INPP5A: variants seen among roughly 807,000 people sequenced by gnomAD.
INPP5A encodes the protein inositol polyphosphate-5-phosphatase A.
A neutral mutation model predicts 65.2 loss-of-function variants in INPP5A; 14 were observed. That is an observed-to-expected ratio of 0.21 (90% CI 0.14 to 0.34). The LOEUF is 0.34. INPP5A is among the 10% of genes least tolerant of loss of function. The probability of loss-of-function intolerance (pLI) is 1.00; values close to 1 mark genes in which losing one functional copy is unlikely to be tolerated. For synonymous variants in INPP5A, 207 were observed against 208.3 expected (o/e 0.99, Z 0.05); for missense variants, 431 against 545.6 (o/e 0.79, Z 2.09).
intron 1 of INPP5A, among the ~76,000 whole-genome samples, chr10:132,584,144 G>C (rs2071520018): frequency 6.6e-6 from 1 of 152,252 alleles, no homozygotes; most frequent in African/African-American, 2.4e-5. Flanking sequence ...ATCAGTGAGA[G>C]CTGTTGACCT....
At chr10:132,752,628 GT>G (rs1363511257) in intron 11 of INPP5A, among the ~76,000 whole-genome samples, 10,296 of 110,992 alleles carry the variant, frequency 0.093, 711 homozygotes, top group Non-Finnish European at 0.13. Context: ...GTGGCATGGA[GT>G]GGGGTGTGGC....
chr10:132,601,718 C>G (rs2071779549), intron 1 of INPP5A, among the ~76,000 whole-genome samples: 1 of 152,106 alleles, frequency 6.6e-6, no homozygotes, highest in South Asian at 2.1e-4. Context: ...TCCAGTTTTC[C>G]CAGCCTCATT....
At position 132,663,219 on chromosome 10, in the gene INPP5A, C is replaced by T. The variant is rs756811722; in HGVS notation, c.306+12714C>T. On this transcript the variant is annotated intron_variant, in intron 4 of 15. Transcript: ENST00000368594. This position sits in a 1 kb window ranked among gnomAD's most constrained non-coding sequence, Gnocchi z 4.5. Reference sequence around the variant, plus strand: ...TATAAAATTGAAAAGACTTTCTTCTCGTTAAATCTTATTTTATTTTGACAC... The same window carrying T: ...TATAAAATTGAAAAGACTTTCTTCTTGTTAAATCTTATTTTATTTTGACAC... Among the ~76,000 whole-genome samples the T allele has an allele frequency of 4.6e-5, 7 of 152,202 alleles. No individual in the cohort carries two copies. Among genetic ancestry groups the T allele is most frequent in the Non-Finnish European group, 1.0e-4 (7 of 68,036 alleles).
intron 2 of INPP5A, among the ~76,000 whole-genome samples, chr10:132,639,251 T>C (rs1006924124): frequency 6.6e-6 from 1 of 152,096 alleles, no homozygotes; most frequent in Admixed American, 6.5e-5. Context: ...GTGAAAATGT[T>C]TCCCTTTGCC....
chr10:132,540,831 T>C (rs1227626083), intron 1 of INPP5A, among the ~76,000 whole-genome samples: 5 of 152,224 alleles, frequency 3.3e-5, no homozygotes, highest in African/African-American at 4.8e-5. Context: ...CTGTGACCAG[T>C]GCTGGAGCCG....
At chr10:132,683,552 C>T (rs943754854) in intron 4 of INPP5A, among the ~76,000 whole-genome samples, 1 of 152,244 alleles carries the variant, frequency 6.6e-6, no homozygotes, top group African/African-American at 2.4e-5. Flanking sequence ...CATAGTATGT[C>T]TGTGTGAACA....
In INPP5A at chr10:132,736,652, T is replaced by C. The variant is rs1846182217; in HGVS notation, c.732+9747T>C. Among the ~76,000 whole-genome samples, 4 of 152,342 alleles carry C rather than the reference T, an allele frequency of 2.6e-5. No individual in the cohort carries two copies. In the South Asian group the frequency reaches 8.3e-4, roughly 32 times the overall value. On this transcript the variant is annotated intron_variant, in intron 9 of 15. Transcript: ENST00000368594. ...TGTGTCTGCCGTTCAGTGGAGACCA[T>C]GGCCGGCAAGAGCAGCCAAGGCCAG...
intron 2 of INPP5A, among the ~76,000 whole-genome samples, chr10:132,633,538 T>G (rs1397090818): frequency 1.3e-5 from 2 of 152,140 alleles, no homozygotes; most frequent in South Asian, 2.1e-4. Flanking sequence ...GCACCGCACC[T>G]CCTCCAGAGC....
At chr10:132,747,608 G>A (rs1336251489) in intron 9 of INPP5A, among the ~76,000 whole-genome samples, 1 of 152,262 alleles carries the variant, frequency 6.6e-6, no homozygotes, top group Non-Finnish European at 1.5e-5. Flanking sequence ...CTGTCTCCGA[G>A]CCCCGGCCAG....
Position 132,538,220 on chromosome 10 carries a change from C to A in INPP5A, c.75+49C>A. On this transcript the variant is annotated intron_variant, in intron 1 of 15. Transcript: ENST00000368594. This position sits in a 1 kb window ranked among gnomAD's most constrained non-coding sequence, Gnocchi z 4.1. The stretch of plus-strand genomic sequence containing the variant: ...GGCCCCAAGCCCGGAACCCCCGACC[C>A]TGACCCCGGGGTCCCGAACTGCAAG... 8.7e-7 allele frequency: 1 copy of A among 1,154,932 alleles called. No individual in the cohort carries two copies. Among genetic ancestry groups the A allele is most frequent in the East Asian group, 3.3e-5 (1 of 30,638 alleles). 71.5% of individuals were successfully genotyped at this position (1,154,932 alleles called of 1,614,324 possible).
At chr10:132,774,139 T>C (rs1314021571) in intron 12 of INPP5A, among the ~76,000 whole-genome samples, 1 of 152,194 alleles carries the variant, frequency 6.6e-6, no homozygotes, top group African/African-American at 2.4e-5. Flanking sequence ...TGTAATCGTT[T>C]AGTTCTTTCT....
At chr10:132,630,436 G>T (rs2133372559) in intron 2 of INPP5A, among the ~76,000 whole-genome samples, 1 of 152,284 alleles carries the variant, frequency 6.6e-6, no homozygotes, top group African/African-American at 2.4e-5. Context: ...GTGCCCATGA[G>T]GGGAGGGTGT....
chr10:132,607,321 G>A (rs1387689923), intron 1 of INPP5A, among the ~76,000 whole-genome samples: 2 of 152,250 alleles, frequency 1.3e-5, no homozygotes, highest in Non-Finnish European at 1.5e-5. Context: ...GCACGTGTGT[G>A]CACGCCTGTG....
intron 1 of INPP5A, among the ~76,000 whole-genome samples, chr10:132,605,450 T>G (rs377322604): frequency 1.0e-3 from 18 of 17,264 alleles, no homozygotes; most frequent in East Asian, 8.7e-3. Context: ...GGGGAGGGGA[T>G]GGGGAGGGTG....
chr10:132,562,176 C>T (rs1053675897), intron 1 of INPP5A, among the ~76,000 whole-genome samples: 1 of 152,242 alleles, frequency 6.6e-6, no homozygotes, highest in Non-Finnish European at 1.5e-5. Context: ...GCCTGGCGTC[C>T]TCCTCCTGCT....
rs2072577028 is a variant in INPP5A, at chr10:132,651,533, G to C, written c.306+1028G>C. On this transcript the variant is annotated intron_variant, in intron 4 of 15. Transcript: ENST00000368594. This position sits in a 1 kb window ranked among gnomAD's most constrained non-coding sequence, Gnocchi z 5.0. ...CCTGGTTCCATCTCCCCCGTCTCTG[G>C]AGAGGCCCTGCATCCTTCTCCCCCA... Among the ~76,000 whole-genome samples, 1 of 152,048 alleles carries C rather than the reference G, an allele frequency of 6.6e-6. No individual in the cohort carries two copies. Among genetic ancestry groups the C allele is most frequent in the South Asian group, 2.1e-4 (1 of 4,826 alleles).
At chr10:132,610,382 C>T (rs992793209) in intron 2 of INPP5A, among the ~76,000 whole-genome samples, 17 of 152,282 alleles carry the variant, frequency 1.1e-4, no homozygotes, top group Non-Finnish European at 2.2e-4. Context: ...GGGGGCGGTT[C>T]GTGAACAGGA....
chr10:132,683,160 TATAC>T (rs889449485), intron 4 of INPP5A, among the ~76,000 whole-genome samples: 5 of 145,232 alleles, frequency 3.4e-5, no homozygotes, highest in African/African-American at 1.3e-4. Flanking sequence ...TGTTGTATTA[TATAC>T]ATATGTATGC....
chr10:132,713,891 G>A (rs1266452208), intron 8 of INPP5A, among the ~76,000 whole-genome samples: 2 of 152,172 alleles, frequency 1.3e-5, no homozygotes, highest in South Asian at 4.1e-4. Context: ...CTTTGTCAGC[G>A]ACAAAGTGAC....
Sources: gnomAD v4.1 joint callset for allele counts (sites outside exome capture counted in the v4.1 genomes callset) on GRCh38, gnomAD v4.1.1 for gene constraint, Gnocchi (gnomAD v3.1) non-coding constraint, MANE v1.5 for transcripts, NCBI Gene and HGNC (gene_info 2026-07-23, HGNC 2026-07-21) for gene names.